SETD3: variants seen among roughly 807,000 people sequenced by gnomAD.
SETD3 encodes actin-histidine N-methyltransferase.
Under a neutral mutation model 63.0 loss-of-function variants are expected in SETD3, and 19 were observed. That is an observed-to-expected ratio of 0.30 (90% CI 0.21 to 0.44). The LOEUF (loss-of-function observed/expected upper bound fraction) is 0.44. SETD3 is among the 20% of genes least tolerant of loss of function. The pLI, the probability that SETD3 is intolerant of heterozygous loss-of-function variation, is 1.00. For missense variants in SETD3, 587 were observed against 728.5 expected (o/e 0.81, Z 2.24); for synonymous variants, 286 against 264.1 (o/e 1.08, Z -0.80).
chr14:99,422,259 C>T (rs1595175286), intron 6 of SETD3, among the ~76,000 whole-genome samples: 2 of 152,314 alleles, frequency 1.3e-5, no homozygotes, highest in Middle Eastern at 3.4e-3. Flanking sequence ...GATGCCACAT[C>T]GATGTCCCAA....
chr14:99,474,010 T>C (rs557039990), intron 1 of SETD3, among the ~76,000 whole-genome samples: 1 of 152,302 alleles, frequency 6.6e-6, no homozygotes, highest in African/African-American at 2.4e-5. Flanking sequence ...GCACCTATCA[T>C]TCCAATCTTC....
At chr14:99,440,488 C>A (rs1893739180) in intron 6 of SETD3, among the ~76,000 whole-genome samples, 1 of 152,248 alleles carries the variant, frequency 6.6e-6, no homozygotes, top group Admixed American at 6.5e-5. Context: ...GAGCAATACA[C>A]ACAGCCTCCG....
At chr14:99,411,497 C>T (rs1891988997) in intron 8 of SETD3, 1 of 152,224 alleles carries the variant, frequency 6.6e-6, no homozygotes, top group Admixed American at 6.5e-5. Context: ...GGGTAGGGCA[C>T]TGCTCACCTT....
In SETD3 at chr14:99,444,222, A is replaced by T. The variant is rs147596067; in HGVS notation, c.675+14057T>A. 2.4e-4 allele frequency: 36 copies of T among 152,326 alleles called. 1 individual carries two copies. In the East Asian group the frequency reaches 5.8e-3, roughly 24 times the overall value. The allele number at this position is 152,326 out of a possible 1,614,324, so 9.4% of individuals were successfully genotyped here. A position where few individuals can be genotyped will look rare whatever the true frequency, so the allele number is the denominator to read the frequency against. On this transcript the variant is annotated intron_variant, in intron 6 of 12. Coordinates refer to ENST00000331768, the MANE Select transcript of SETD3 (RefSeq NM_032233.3). ...GCAGTCAGGGGATCTGCCATTCACA[A>T]GGCTATTTCAGAACTATTAGATTAC...
At chr14:99,457,879 AACTG>A (rs1894847829) in intron 6 of SETD3, among the ~76,000 whole-genome samples, 5 of 152,386 alleles carry the variant, frequency 3.3e-5, no homozygotes, top group Admixed American at 2.6e-4. Context: ...TTGCTAAATT[AACTG>A]TCAATATTTT....
intron 6 of SETD3, among the ~76,000 whole-genome samples, chr14:99,421,512 C>T (rs115966014): frequency 0.025 from 3,870 of 152,010 alleles, 152 homozygotes; most frequent in African/African-American, 0.088. Context: ...TATAAGGTAA[C>T]TGACATTCAG....
At chr14:99,483,721 T>C (rs1595301424), upstream of SETD3, among the ~76,000 whole-genome samples, 3 of 152,224 alleles carry the variant, frequency 2.0e-5, no homozygotes, top group East Asian at 5.8e-4. Context: ...TTGGATAAGG[T>C]GTGGTTAGAT....
chr14:99,482,210 C>T (rs1220115262), upstream of SETD3, among the ~76,000 whole-genome samples: 1 of 152,240 alleles, frequency 6.6e-6, no homozygotes. Context: ...GGAACTATTT[C>T]TAAGAGCATT....
At chr14:99,414,698 C>T (rs941635789) in intron 6 of SETD3, among the ~76,000 whole-genome samples, 1 of 152,174 alleles carries the variant, frequency 6.6e-6, no homozygotes, top group Non-Finnish European at 1.5e-5. Context: ...CACTTTAGGC[C>T]TTTCAAGCAC....
rs1896091709 is a variant in SETD3, at chr14:99,478,553, C to T, written c.-9+2175G>A. ...ATTAAAACATTGAAGAAAACTGGTA[C>T]GCCTCAAACTACACTGACATCTAGT... On this transcript the variant is annotated intron_variant, in intron 1 of 12. Transcript: ENST00000331768. Among the ~76,000 whole-genome samples the T allele has an allele frequency of 3.3e-5, 5 of 152,148 alleles. No individual in the cohort carries two copies. The South Asian group carries it at 1.0e-3, about 32-fold the overall frequency.
intron 6 of SETD3, among the ~76,000 whole-genome samples, chr14:99,437,708 A>G (rs1393119397): frequency 1.3e-5 from 2 of 152,242 alleles, no homozygotes; most frequent in Non-Finnish European, 2.9e-5. Context: ...ACACACAGAA[A>G]GATTGATTCG....
intron 4 of SETD3, among the ~76,000 whole-genome samples, 178 bp from the exon 5 acceptor site, chr14:99,459,363 A>G (rs1449787467): frequency 6.6e-6 from 1 of 152,248 alleles, no homozygotes; most frequent in African/African-American, 2.4e-5. Context: ...TAGTTAAATG[A>G]GTAGAAGTAT....
chr14:99,436,501 T>C (rs1409960681), intron 6 of SETD3, among the ~76,000 whole-genome samples: 2 of 152,168 alleles, frequency 1.3e-5, no homozygotes, highest in East Asian at 1.9e-4. Context: ...TCCCCAGACA[T>C]GCTCAGACAG....
intron 6 of SETD3, among the ~76,000 whole-genome samples, chr14:99,453,223 C>T (rs375384862): frequency 1.3e-5 from 2 of 152,174 alleles, no homozygotes; most frequent in Admixed American, 6.5e-5. Context: ...TGGTTTGGTA[C>T]TGAGATGAGA....
chr14:99,452,402 G>T (rs1242445958), intron 6 of SETD3, among the ~76,000 whole-genome samples: 10 of 152,234 alleles, frequency 6.6e-5, no homozygotes, highest in African/African-American at 2.4e-4. Context: ...ACTGCACCCA[G>T]CCCAAGACTT....
intron 6 of SETD3, among the ~76,000 whole-genome samples, chr14:99,445,462 T>C (rs949389156): frequency 7.2e-5 from 11 of 152,232 alleles, no homozygotes; most frequent in African/African-American, 2.7e-4. Context: ...CAAAGTCACA[T>C]GTTAATAATA....
rs553804458 is a variant in SETD3, at chr14:99,443,517, G to C, written c.675+14762C>G. 2.0e-5 allele frequency among the ~76,000 whole-genome samples: 3 copies of C among 152,274 alleles called. No individual in the cohort carries two copies. The South Asian group carries it at 6.2e-4, about 32-fold the overall frequency. Reference sequence around the variant, plus strand: ...TCCGCCCACCTTGGCCTCCCAAAGTGCTGGGATTACAGGCGTGAGCCACTG... The same window carrying C: ...TCCGCCCACCTTGGCCTCCCAAAGTCCTGGGATTACAGGCGTGAGCCACTG... On this transcript the variant is annotated intron_variant, in intron 6 of 12. Transcript: ENST00000331768.
At chr14:99,457,921 C>A (rs1323531628) in intron 6 of SETD3, among the ~76,000 whole-genome samples, 3 of 152,074 alleles carry the variant, frequency 2.0e-5, no homozygotes, top group Admixed American at 6.6e-5. Context: ...AAAAAATTAA[C>A]CCTCATTTTC....
At chr14:99,468,141 G>T (rs1160145741) in intron 1 of SETD3, among the ~76,000 whole-genome samples, 30 of 140,220 alleles carry the variant, frequency 2.1e-4, no homozygotes, top group Non-Finnish European at 3.4e-4. Context: ...CACTGCCTCT[G>T]TTTAAATACA....
Sources: gnomAD v4.1 joint callset for allele counts (sites outside exome capture counted in the v4.1 genomes callset) on GRCh38, gnomAD v4.1.1 for gene constraint, MANE v1.5 for transcripts, NCBI Gene and HGNC (gene_info 2026-07-23, HGNC 2026-07-21) for gene names.